MBTPS1: variants seen among roughly 807,000 people sequenced by gnomAD.
The protein encoded by MBTPS1 is membrane-bound transcription factor site-1 protease.
Under a neutral mutation model 127.8 loss-of-function variants are expected in MBTPS1, and 94 were observed. That is an observed-to-expected ratio of 0.74 (90% CI 0.62 to 0.87). The LOEUF (loss-of-function observed/expected upper bound fraction) is 0.87, where lower values mean the gene tolerates loss of function less well. Among genes scored for constraint, MBTPS1 ranks in the 40% least tolerant of loss-of-function variants. The pLI, the probability that MBTPS1 is intolerant of heterozygous loss-of-function variation, is 0.00. For synonymous variants in MBTPS1, 632 were observed against 509.4 expected, an observed-to-expected ratio of 1.24 and a Z score of -3.24; for missense variants, 1,636 against 1,353.2, an observed-to-expected ratio of 1.21 and a Z score of -3.28.
At chr16:84,095,879 C>T in intron 3 of MBTPS1, 74 bp from the exon 4 acceptor site, 1 of 1,218,376 alleles carries the variant, frequency 8.2e-7, no homozygotes, top group Non-Finnish European at 1.2e-6. Context: ...GCAAAACTAT[C>T]CTAAACACAG....
At chr16:84,086,775 G>A (rs2086034107) in intron 9 of MBTPS1, among the ~76,000 whole-genome samples, 1 of 152,176 alleles carries the variant, frequency 6.6e-6, no homozygotes, top group Non-Finnish European at 1.5e-5. Flanking sequence ...CCCAACTGCT[G>A]TTCTGCACGA....
At chr16:84,068,547 T>C in intron 14 of MBTPS1, 93 bp from the exon 15 acceptor site, 3 of 844,864 alleles carry the variant, frequency 3.6e-6, no homozygotes, top group South Asian at 1.5e-5. Flanking sequence ...AAGAGCACCA[T>C]GCCATGGCCC....
rs779972555 is a variant in MBTPS1 at position 84,060,669 on chromosome 16, C to T, written c.2704+13G>A. 4.3e-6 allele frequency: 7 copies of T among 1,611,114 alleles called. No homozygotes were observed. The South Asian group carries it at 5.5e-5, about 13-fold the overall frequency. On this transcript the variant is annotated intron_variant, in intron 20 of 22. Coordinates refer to ENST00000343411, the MANE Select transcript of MBTPS1 (RefSeq NM_003791.4). ...CCAATTCCCTCCCCAAGGCATCCTG[C>T]CCATCCACTCACCTTCCATCCTCTC...
At chr16:84,114,987 G>T (rs892321932) in intron 1 of MBTPS1, among the ~76,000 whole-genome samples, 3 of 151,624 alleles carry the variant, frequency 2.0e-5, no homozygotes, top group African/African-American at 7.3e-5. Context: ...GGAATGCAGC[G>T]GCGTGATCTT....
intron 1 of MBTPS1, among the ~76,000 whole-genome samples, chr16:84,108,114 A>C (rs748684364): frequency 5.9e-5 from 9 of 151,982 alleles, no homozygotes; most frequent in Non-Finnish European, 1.2e-4. Context: ...GCTGTGACGA[A>C]TGGTCCCTCC....
rs1567490598 is a variant in MBTPS1 at position 84,085,584 on chromosome 16, A to ACC, written c.1135-451_1135-450insGG. On this transcript the variant is annotated intron_variant, in intron 9 of 22. Coordinates refer to ENST00000343411, the MANE Select transcript of MBTPS1 (RefSeq NM_003791.4). ...AGCCCCGCACCCGCCCCCCCCCCAA[A>ACC]AAAAAAGAGAAAAAAACAAAGAAAT... Among the ~76,000 whole-genome samples the ACC allele has an allele frequency of 1.3e-4, 4 of 30,360 alleles. No individual in the cohort carries two copies. In the East Asian group the frequency reaches 3.7e-3, roughly 28 times the overall value. The allele number at this position is 30,360 out of a possible 152,430, so 19.9% of individuals were successfully genotyped here. A position where few individuals can be genotyped will look rare whatever the true frequency, so the allele number is the denominator to read the frequency against.
chr16:84,065,112 T>G (rs1010376473), intron 18 of MBTPS1, among the ~76,000 whole-genome samples: 2 of 150,484 alleles, frequency 1.3e-5, no homozygotes. Flanking sequence ...TCAAGTAACC[T>G]TGAAGGTAGT....
At chr16:84,108,745 G>C (rs1200743598) in intron 1 of MBTPS1, among the ~76,000 whole-genome samples, 1 of 152,218 alleles carries the variant, frequency 6.6e-6, no homozygotes, top group Non-Finnish European at 1.5e-5. Flanking sequence ...AGGTGAGGGG[G>C]TCAGAGCCTG....
At chr16:84,076,051 A>C (rs1193622682) in intron 11 of MBTPS1, among the ~76,000 whole-genome samples, 3 of 152,250 alleles carry the variant, frequency 2.0e-5, no homozygotes, top group African/African-American at 7.2e-5. Context: ...ATTATTAGCA[A>C]ACAGAATTCA....
chr16:84,085,029 T>A lies in MBTPS1; in HGVS notation c.1240A>T (p.Ser414Cys). ...KGGCRALSGT[S>C]VASPVVAGAV... is the part of the protein sequence containing the mutation. ...CCTGCAACCACTGGAGAAGCAACAC[T>A]GGTCCCTGAGAGGGCCCGGCACCCC... Residue 414 changes from serine (S) to cysteine (C), a missense_variant, in exon 10 of 23, where the codon AGT (serine) becomes TGT (cysteine). By Grantham distance (112) the Ser-to-Cys change is moderately radical. Transcript: ENST00000343411. The A allele has an allele frequency of 1.2e-6, 2 of 1,614,192 alleles. No homozygotes were observed. The highest frequency in any genetic ancestry group is 1.7e-6 in the Non-Finnish European group (2 of 1,180,024).
chr16:84,073,914 T>G (rs1285384197), intron 12 of MBTPS1, among the ~76,000 whole-genome samples: 2 of 151,896 alleles, frequency 1.3e-5, no homozygotes, highest in Admixed American at 6.6e-5. Context: ...GCTGAGCCAG[T>G]AGAATCGCTT....
intron 9 of MBTPS1, among the ~76,000 whole-genome samples, chr16:84,085,718 T>C (rs1567490719): frequency 6.6e-6 from 1 of 152,014 alleles, no homozygotes; most frequent in Non-Finnish European, 1.5e-5. Flanking sequence ...AATTAAAAGA[T>C]AAGTATTTTA....
chr16:84,065,775 A>G lies in MBTPS1; in HGVS notation c.2354-8T>C. The G allele has an allele frequency of 6.4e-7, 1 of 1,562,170 alleles. No individual in the cohort carries two copies. The highest frequency in any genetic ancestry group is 1.2e-5 in the South Asian group (1 of 84,478). ...ACCCTGACGCATAATACACTAGGAA[A>G]GAGTGTTCAAAGTCAAGGGAACACA... On this transcript the variant is annotated splice_polypyrimidine_tract_variant and splice_region_variant and intron_variant, in intron 17 of 22. Transcript: ENST00000343411.
At chr16:84,091,296 G>C (rs1055308879) in intron 7 of MBTPS1, among the ~76,000 whole-genome samples, 1 of 152,020 alleles carries the variant, frequency 6.6e-6, no homozygotes, top group Non-Finnish European at 1.5e-5. Context: ...GACCAGCCTG[G>C]CCAATTCGGT....
intron 1 of MBTPS1, among the ~76,000 whole-genome samples, chr16:84,105,765 G>A (rs866670838): frequency 1.3e-5 from 2 of 152,150 alleles, no homozygotes; most frequent in Admixed American, 6.5e-5. Context: ...AGAGCACAGA[G>A]ATAAAACACA....
chr16:84,067,635 C>CACA (rs3835163), intron 16 of MBTPS1, 32 bp downstream of exon 16: 5 of 1,547,958 alleles, frequency 3.2e-6, no homozygotes, highest in African/African-American at 1.4e-5. Context: ...CCCCAAAAGT[C>CACA]TTATCCAAAT....
intron 10 of MBTPS1, among the ~76,000 whole-genome samples, chr16:84,084,123 C>A (rs117806846): frequency 6.6e-6 from 1 of 152,294 alleles, no homozygotes; most frequent in East Asian, 1.9e-4. Context: ...CCACACCTGG[C>A]TAACTTGTAA....
chr16:84,055,932 G>GGGGA, intron 22 of MBTPS1, 73 bp downstream of exon 22: 1 of 1,393,494 alleles, frequency 7.2e-7, no homozygotes, highest in Non-Finnish European at 9.4e-7. Context: ...CCCGCCTCCT[G>GGGGA]GGGAGGGAGG....
chr16:84,111,626 T>C (rs1255133937), intron 1 of MBTPS1, among the ~76,000 whole-genome samples: 1 of 151,962 alleles, frequency 6.6e-6, no homozygotes, highest in East Asian at 1.9e-4. Flanking sequence ...AGGTGGCCTG[T>C]AGAAACTGAA....
Sources: gnomAD v4.1 joint callset for allele counts (sites outside exome capture counted in the v4.1 genomes callset) on GRCh38, gnomAD v4.1.1 for gene constraint, MANE v1.5 for transcripts, NCBI Gene and HGNC (gene_info 2026-07-23, HGNC 2026-07-21) for gene names.